The following TM4SF4 variants were observed in gnomAD, a reference collection of about 807,000 sequenced individuals.
TM4SF4 encodes transmembrane 4 L6 family member 4.
Under a neutral mutation model 24.1 loss-of-function variants are expected in TM4SF4, and 24 were observed. That is an observed-to-expected ratio of 1.00 (90% CI 0.72 to 1.40). TM4SF4 has a LOEUF of 1.40. Among genes scored for constraint, TM4SF4 ranks in the 40% most tolerant of loss-of-function variants. The pLI is 0.00. For missense variants in TM4SF4, 254 were observed against 254.2 expected, an observed-to-expected ratio of 1.00 and a Z score of 0.01; for synonymous variants, 113 against 97.0, an observed-to-expected ratio of 1.17 and a Z score of -0.97.
intron 2 of TM4SF4, among the ~76,000 whole-genome samples, chr3:149,477,203 A>G (rs1027538052): frequency 1.3e-5 from 2 of 152,232 alleles, no homozygotes; most frequent in Non-Finnish European, 2.9e-5. Context: ...AAATGCAACT[A>G]TATTGTGTTT....
intron 3 of TM4SF4, among the ~76,000 whole-genome samples, chr3:149,498,301 G>A (rs1184314840): frequency 6.6e-6 from 1 of 152,168 alleles, no homozygotes; most frequent in Admixed American, 6.5e-5. Context: ...GAACATTTGT[G>A]AAATTCTACT....
intron 3 of TM4SF4, among the ~76,000 whole-genome samples, chr3:149,493,104 T>C (rs1419006436): frequency 6.6e-6 from 1 of 152,222 alleles, no homozygotes; most frequent in Non-Finnish European, 1.5e-5. Context: ...TCCTACCACA[T>C]ACTTGCTTGA....
At chr3:149,478,214 C>T (rs1733970075) in intron 2 of TM4SF4, among the ~76,000 whole-genome samples, 1 of 152,216 alleles carries the variant, frequency 6.6e-6, no homozygotes, top group African/African-American at 2.4e-5. Context: ...GGCGCGATCT[C>T]GGCTCACTGC....
At chr3:149,476,007 C>T in intron 2 of TM4SF4, 95 bp downstream of exon 2, 1 of 1,024,178 alleles carries the variant, frequency 9.8e-7, no homozygotes, top group Non-Finnish European at 1.5e-6. Flanking sequence ...TTATCAGCTC[C>T]AGCCAGGACT....
chr3:149,481,705 T>TC (rs1734037196), intron 2 of TM4SF4, among the ~76,000 whole-genome samples: 1 of 152,178 alleles, frequency 6.6e-6, no homozygotes, highest in Non-Finnish European at 1.5e-5. Context: ...CCTGTCTGTC[T>TC]CCAGAGCCCA....
intron 3 of TM4SF4, among the ~76,000 whole-genome samples, chr3:149,490,315 T>C (rs185440830): frequency 6.6e-6 from 1 of 152,336 alleles, no homozygotes; most frequent in Non-Finnish European, 1.5e-5. Flanking sequence ...CTCCAAATCT[T>C]CCCTCTAACT....
At chr3:149,502,582 G>GAGCCAGGAGGC (rs1734448731) in intron 4 of TM4SF4, 94 bp from the exon 5 acceptor site, 1 of 853,428 alleles carries the variant, frequency 1.2e-6, no homozygotes, top group Non-Finnish European at 2.1e-6. Context: ...TAAGAGCCAG[G>GAGCCAGGAGGC]AGGAAGGCAG....
At chr3:149,498,309 A>C (rs138880701) in intron 3 of TM4SF4, among the ~76,000 whole-genome samples, 1 of 152,168 alleles carries the variant, frequency 6.6e-6, no homozygotes, top group Non-Finnish European at 1.5e-5. Flanking sequence ...GTGAAATTCT[A>C]CTGCTGGAGT....
chr3:149,495,345 C>T (rs959697167), intron 3 of TM4SF4: 2 of 301,430 alleles, frequency 6.6e-6, no homozygotes, highest in African/African-American at 4.4e-5. Context: ...TGGACTGTGT[C>T]CTACCACCAA....
chr3:149,502,596 A>T, intron 4 of TM4SF4, 80 bp from the exon 5 acceptor site: 3 of 918,964 alleles, frequency 3.3e-6, no homozygotes, highest in Non-Finnish European at 5.5e-6. Flanking sequence ...AAGGCAGGTG[A>T]TGGGGATGGG....
At position 149,492,555 on chromosome 3, in the gene TM4SF4, G is replaced by A. The variant is rs72996058; in HGVS notation, c.401+4800G>A. 6.4e-3 allele frequency among the ~76,000 whole-genome samples: 975 copies of A among 152,168 alleles called. 7 individuals are homozygous for A. Among genetic ancestry groups the A allele is most frequent in the African/African-American group, 0.021 (886 of 41,514 alleles). On this transcript the variant is annotated intron_variant, in intron 3 of 4. Coordinates refer to ENST00000305354, the MANE Select transcript of TM4SF4 (RefSeq NM_004617.4). ...GGAAAGCAGCCTGCACAGGGTGTGG[G>A]GACAGCCATAGGAGGGGAAGCAGAG...
chr3:149,479,366 CT>C (rs62958360), intron 2 of TM4SF4, among the ~76,000 whole-genome samples: 10,449 of 139,154 alleles, frequency 0.075, 351 homozygotes, highest in African/African-American at 0.1. Context: ...CTTTTCTTTT[CT>C]TTTTTTTTTT....
chr3:149,498,466 AGAGAAC>A (rs533204162), intron 3 of TM4SF4, among the ~76,000 whole-genome samples: 73 of 152,294 alleles, frequency 4.8e-4, no homozygotes, highest in African/African-American at 1.6e-3. Context: ...AAACCGAAAA[AGAGAAC>A]CCAGAGGTTT....
intron 2 of TM4SF4, among the ~76,000 whole-genome samples, chr3:149,480,030 C>A (rs1047900168): frequency 6.6e-6 from 1 of 152,184 alleles, no homozygotes; most frequent in Non-Finnish European, 1.5e-5. Flanking sequence ...AATGGCTCTC[C>A]TCTGAGGCAG....
chr3:149,487,255 CA>C (rs200886373), intron 2 of TM4SF4, among the ~76,000 whole-genome samples: 2 of 150,410 alleles, frequency 1.3e-5, no homozygotes, highest in East Asian at 3.9e-4. Flanking sequence ...AACTCCGTCT[CA>C]AAAAAAAAGA....
chr3:149,475,950 A>C (rs1159825570), intron 2 of TM4SF4, 38 bp downstream of exon 2: 1 of 1,558,378 alleles, frequency 6.4e-7, no homozygotes, highest in Non-Finnish European at 8.8e-7. Context: ...GAATTACTCC[A>C]GGGTGCTCTG....
At chr3:149,498,508 G>A (rs1307661797) in intron 3 of TM4SF4, among the ~76,000 whole-genome samples, 8 of 152,176 alleles carry the variant, frequency 5.3e-5, no homozygotes, top group Admixed American at 4.6e-4. Context: ...GAGTGAATAT[G>A]TGCGAAGTGA....
intron 4 of TM4SF4, 120 bp downstream of exon 4, chr3:149,499,031 C>T: frequency 2.9e-6 from 3 of 1,029,846 alleles, no homozygotes; most frequent in African/African-American, 3.2e-5. Context: ...GTGTGGCCAC[C>T]TGCAGAAAAC....
intron 3 of TM4SF4, among the ~76,000 whole-genome samples, chr3:149,492,967 C>T (rs562810872): frequency 7.2e-5 from 11 of 152,288 alleles, no homozygotes; most frequent in African/African-American, 2.6e-4. Flanking sequence ...GGTCTAGCCA[C>T]ACCTCTGCCA....
Sources: gnomAD v4.1 joint callset for allele counts (sites outside exome capture counted in the v4.1 genomes callset) on GRCh38, gnomAD v4.1.1 for gene constraint, MANE v1.5 for transcripts, NCBI Gene and HGNC (gene_info 2026-07-23, HGNC 2026-07-21) for gene names.